Variants in TRPM1 observed in about 807,000 individuals in gnomAD.
TRPM1 encodes transient receptor potential cation channel subfamily M member 1.
In TRPM1, 113 loss-of-function variants were observed where a neutral mutation model predicts 149.4. The observed-to-expected ratio is 0.76, with a 90% CI of 0.65 to 0.88. The LOEUF (loss-of-function observed/expected upper bound fraction) is 0.88. Among genes scored for constraint, TRPM1 ranks in the 40% least tolerant of loss-of-function variants. The pLI is 0.00. For missense variants in TRPM1, 1,976 were observed against 2,038.7 expected, an observed-to-expected ratio of 0.97 and a Z score of 0.59; for synonymous variants, 741 against 759.5, an observed-to-expected ratio of 0.98 and a Z score of 0.40.
chr15:31,040,264 C>G lies in TRPM1; in HGVS notation c.2170G>C (p.Glu724Gln). The change falls in exon 18 of 28, where the codon GAG (glutamate) becomes CAG (glutamine). Residue 724 changes from glutamate to glutamine, a missense_variant. Glu to Gln is a conservative substitution (Grantham distance 29). This residue lies in a region of TRPM1 where 1,332 missense variants were observed against 1,347.1 expected (regional missense o/e 0.99). Transcript: ENST00000256552. This position sits in a 1 kb window ranked among gnomAD's most constrained non-coding sequence, Gnocchi z 4.2. ...GTCGAGTTGCTCCAGTTTTTCAGCT[C>G]GTAGGTCAGGAGTTTCATAGCGATC... ...EQIAMKLLTY[E>Q]LKNWSNSTCL... The G allele has an allele frequency of 2.5e-6, 4 of 1,614,168 alleles. No individual in the cohort carries two copies. Among genetic ancestry groups the G allele is most frequent in the Non-Finnish European group, 3.4e-6 (4 of 1,180,040 alleles).
chr15:31,070,036 C>G lies in TRPM1; in HGVS notation c.274G>C (p.Ala92Pro), dbSNP rs770258923. 1.9e-6 allele frequency: 3 copies of G among 1,614,160 alleles called. No individual in the cohort carries two copies. The South Asian group carries it at 3.3e-5, about 18-fold the overall frequency. The change falls in exon 4 of 28, where the codon GCC (alanine) becomes CCC (proline). Residue 92 changes from alanine (A) to proline (P), a missense_variant. This residue lies in a region of TRPM1 where 1,332 missense variants were observed against 1,347.1 expected (regional missense o/e 0.99). Transcript: ENST00000256552. ...EFQGGGYSNK[A>P]MYIRVSYDTK... Reference sequence around the variant, plus strand: ...TGTCTGAATGCCTTTCTCACCATGGCTTTATTGGAATATCCGCCACCCTGG... The same window carrying G: ...TGTCTGAATGCCTTTCTCACCATGGGTTTATTGGAATATCCGCCACCCTGG...
intron 1 of TRPM1, among the ~76,000 whole-genome samples, chr15:31,137,628 C>A (rs1362831807): frequency 6.6e-6 from 1 of 152,136 alleles, no homozygotes; most frequent in Non-Finnish European, 1.5e-5. Flanking sequence ...CTGTGAAGAG[C>A]TAATAAAAAG....
At chr15:31,049,339 G>A (rs2033871532) in intron 13 of TRPM1, 36 bp downstream of exon 13, 1 of 1,613,854 alleles carries the variant, frequency 6.2e-7, no homozygotes, top group Non-Finnish European at 8.5e-7. Flanking sequence ...TTAGGTGGCT[G>A]CCTCCCGCTT....
intron 1 of TRPM1, among the ~76,000 whole-genome samples, chr15:31,089,688 G>T (rs551626634): frequency 6.6e-6 from 1 of 152,246 alleles, no homozygotes; most frequent in Non-Finnish European, 1.5e-5. Context: ...TTGAGGAAGC[G>T]TCAGCTCCAG....
chr15:31,041,749 C>A (rs1364822715), intron 17 of TRPM1, among the ~76,000 whole-genome samples: 1 of 152,168 alleles, frequency 6.6e-6, no homozygotes, highest in Non-Finnish European at 1.5e-5. Context: ...AAAGAGAAGG[C>A]AGTACACAAA....
intron 1 of TRPM1, among the ~76,000 whole-genome samples, chr15:31,138,030 G>A (rs1234558233): frequency 6.6e-6 from 1 of 152,130 alleles, no homozygotes; most frequent in African/African-American, 2.4e-5. Flanking sequence ...GAAGAAAGAG[G>A]CAGAATGATA....
At chr15:31,066,446 C>G (rs1271234244) in intron 6 of TRPM1, among the ~76,000 whole-genome samples, 199 bp from the exon 7 acceptor site, 2 of 152,158 alleles carry the variant, frequency 1.3e-5, no homozygotes, top group African/African-American at 2.4e-5. Context: ...ATAATGACAA[C>G]CTAGCAATTG....
At chr15:31,070,586 C>T (rs893754469) in intron 3 of TRPM1, 6 of 452,578 alleles carry the variant, frequency 1.3e-5, no homozygotes, top group Non-Finnish European at 2.6e-5. Flanking sequence ...TTTTCTTTCT[C>T]TTGTCATTCA....
intron 1 of TRPM1, among the ~76,000 whole-genome samples, chr15:31,111,688 A>G (rs1249203562): frequency 2.0e-5 from 3 of 152,152 alleles, no homozygotes; most frequent in East Asian, 1.9e-4. Context: ...GAAGAGCTCA[A>G]CGCATGGCAC....
intron 1 of TRPM1, among the ~76,000 whole-genome samples, chr15:31,123,201 C>A (rs2035902854): frequency 6.6e-6 from 1 of 152,088 alleles, no homozygotes; most frequent in East Asian, 1.9e-4. Context: ...GGCTCACAGG[C>A]CTAAATGTAA....
At chr15:31,105,654 G>A (rs17815839), upstream of TRPM1, among the ~76,000 whole-genome samples, 1 of 152,076 alleles carries the variant, frequency 6.6e-6, no homozygotes, top group Admixed American at 6.5e-5. Flanking sequence ...CCTGAATATA[G>A]TTTCAAGTAA....
rs1321812002 is a variant in TRPM1, at chr15:31,002,309, T to C, written c.4391A>G (p.Tyr1464Cys). The change falls in exon 28 of 28, where the codon TAT becomes TGT. Residue 1464 changes from tyrosine to cysteine, a missense_variant. Around this residue, in one of 3 missense-constraint regions of TRPM1, gnomAD observed 572 missense variants for 578.9 expected, o/e 0.99. Coordinates refer to ENST00000256552, the MANE Select transcript of TRPM1 (RefSeq NM_001252024.2). Reference sequence around the variant, plus strand: ...ACCGACCAGCTTTCTTCCCCGGGAATAGACGAAGCTTCTGGACTTCATTGT... The same window carrying C: ...ACCGACCAGCTTTCTTCCCCGGGAACAGACGAAGCTTCTGGACTTCATTGT... ...CKTMKSRSFV[Y>C]SRGRKLVGGV... 1.9e-6 allele frequency: 3 copies of C among 1,614,248 alleles called. No homozygotes were observed. Among genetic ancestry groups the C allele is most frequent in the South Asian group, 1.1e-5 (1 of 91,092 alleles).
In TRPM1 at chr15:31,149,898, G is replaced by C. The variant is rs1175187811; in HGVS notation, c.54+11008C>G. Among the ~76,000 whole-genome samples the C allele has an allele frequency of 2.0e-5, 3 of 152,222 alleles. No homozygotes were observed. In the East Asian group the frequency reaches 5.8e-4, roughly 29 times the overall value. On this transcript the variant is annotated intron_variant, in intron 1 of 26. Coordinates refer to the TRPM1 transcript ENST00000542188. ...TGAAACTTGAAGATATTCTGTTGGC[G>C]AGCATTGACGATTTGGTAGTGACTT...
rs1211436697 is a variant in TRPM1, at chr15:31,026,899, A to G, written c.3496+16T>C. On this transcript the variant is annotated intron_variant, in intron 26 of 27. Transcript: ENST00000256552. ...TGAAATCAGCCCAACTTAGAAATGAAGAGCCCTGCACATACTCAATCCACG... is the reference window on the plus strand; with the variant it reads ...TGAAATCAGCCCAACTTAGAAATGAGGAGCCCTGCACATACTCAATCCACG... 2 of 1,612,298 alleles carry G rather than the reference A, an allele frequency of 1.2e-6. No individual in the cohort carries two copies. The highest frequency in any genetic ancestry group is 1.7e-6 in the Non-Finnish European group (2 of 1,179,322).
intron 11 of TRPM1, 141 bp from the exon 12 acceptor site, chr15:31,050,723 A>C: frequency 1.1e-6 from 1 of 882,184 alleles, no homozygotes; most frequent in Non-Finnish European, 1.8e-6. Context: ...ACACCCACAC[A>C]GTGCACACAT....
At chr15:31,088,937 C>T (rs546717959) in intron 1 of TRPM1, among the ~76,000 whole-genome samples, 2 of 152,290 alleles carry the variant, frequency 1.3e-5, no homozygotes, top group East Asian at 1.9e-4. Flanking sequence ...TGCGTGGAAG[C>T]TGCTGGCGCC....
At chr15:31,074,080 T>A (rs1567035796) in intron 3 of TRPM1, among the ~76,000 whole-genome samples, 1 of 152,170 alleles carries the variant, frequency 6.6e-6, no homozygotes, top group Admixed American at 6.5e-5. Flanking sequence ...TATTTTTATA[T>A]GTTGCTGGAT....
chr15:31,128,239 A>G lies in TRPM1; in HGVS notation c.54+32667T>C, dbSNP rs549823793. Among the ~76,000 whole-genome samples the G allele has an allele frequency of 3.3e-5, 5 of 152,300 alleles. No individual in the cohort carries two copies. The South Asian group carries it at 8.3e-4, about 25-fold the overall frequency. ...ATATTTACAGTATTCAACAATCACT[A>G]TCAATCAATGTTCAATAGTTAATGA... On this transcript the variant is annotated intron_variant, in intron 1 of 26. Coordinates refer to the TRPM1 transcript ENST00000542188.
At chr15:31,119,625 T>C (rs1246069472) in intron 1 of TRPM1, among the ~76,000 whole-genome samples, 1 of 151,962 alleles carries the variant, frequency 6.6e-6, no homozygotes, top group African/African-American at 2.4e-5. Flanking sequence ...TTTCTTAATT[T>C]ATCTAACAGA....
Sources: allele counts gnomAD v4.1 joint callset (sites outside exome capture counted in the v4.1 genomes callset), GRCh38; gene constraint gnomAD v4.1.1; regional missense constraint gnomAD v4.1.1; non-coding constraint Gnocchi (gnomAD v3.1); transcripts MANE v1.5; gene names NCBI Gene and HGNC (gene_info 2026-07-23, HGNC 2026-07-21).